The following EIF4G3 variants were observed in gnomAD, a reference collection of about 807,000 sequenced individuals.
EIF4G3 encodes eukaryotic translation initiation factor 4 gamma 3, also known as eIF-4-gamma 3.
EIF4G3 carries 34 observed loss-of-function variants against 186.4 expected under a neutral mutation model. That is an observed-to-expected ratio of 0.18 (90% CI 0.14 to 0.24). EIF4G3 has a LOEUF of 0.24. Among genes scored for constraint, EIF4G3 ranks in the 10% least tolerant of loss-of-function variants. EIF4G3 has a pLI of 1.00. For missense variants in EIF4G3, 1,536 were observed against 1,948.5 expected, an observed-to-expected ratio of 0.79 and a Z score of 3.99; for synonymous variants, 673 against 679.5, an observed-to-expected ratio of 0.99 and a Z score of 0.15.
intron 14 of EIF4G3, among the ~76,000 whole-genome samples, chr1:20,914,935 C>T (rs2093691481): frequency 6.6e-6 from 1 of 152,188 alleles, no homozygotes; most frequent in South Asian, 2.1e-4. Context: ...AGTTGGCTGA[C>T]TATGCTATTC....
rs140968653 is a variant in EIF4G3, at chr1:20,970,927, G to T, written c.592-1331C>A. 8.0e-3 allele frequency among the ~76,000 whole-genome samples: 1,214 copies of T among 152,294 alleles called. 13 individuals are homozygous for T. The highest frequency in any genetic ancestry group is 0.028 in the African/African-American group (1,165 of 41,560). ...TGCAGTGAGCTGAGATCACGCCACTGCACTCCAGCCTGGGGGAAAAGAGCG... is the reference window on the plus strand; with the variant it reads ...TGCAGTGAGCTGAGATCACGCCACTTCACTCCAGCCTGGGGGAAAAGAGCG... On this transcript the variant is annotated intron_variant, in intron 11 of 36. Coordinates refer to ENST00000602326, the MANE Select transcript of EIF4G3 (RefSeq NM_001391906.1).
intron 20 of EIF4G3, among the ~76,000 whole-genome samples, chr1:20,871,820 C>T (rs1182235341): frequency 1.6e-4 from 24 of 151,982 alleles, no homozygotes; most frequent in Admixed American, 1.4e-3. Context: ...CATTTCTTTT[C>T]TTTTCTCTGT....
intron 10 of EIF4G3, among the ~76,000 whole-genome samples, chr1:20,973,997 C>T (rs1014163310): frequency 1.3e-5 from 2 of 152,086 alleles, no homozygotes; most frequent in African/African-American, 2.4e-5. Flanking sequence ...AGAAAGAAGA[C>T]TCAAGGAAAA....
chr1:21,007,235 TA>T (rs2085351657), intron 4 of EIF4G3, among the ~76,000 whole-genome samples: 1 of 151,868 alleles, frequency 6.6e-6, no homozygotes. Context: ...TCGTCTCTAC[TA>T]AAAATACAAA....
chr1:21,006,395 C>T (rs1280364026), intron 4 of EIF4G3, among the ~76,000 whole-genome samples: 2 of 152,268 alleles, frequency 1.3e-5, no homozygotes, highest in South Asian at 2.1e-4. Context: ...TTTCCCTTTT[C>T]GAATAATTTC....
chr1:20,837,577 T>G (rs918695025), intron 30 of EIF4G3, among the ~76,000 whole-genome samples: 1 of 152,184 alleles, frequency 6.6e-6, no homozygotes. Flanking sequence ...TCCCCAACTG[T>G]TCAGAAGTTG....
intron 4 of EIF4G3, among the ~76,000 whole-genome samples, chr1:21,023,552 A>C (rs944563377): frequency 1.3e-5 from 2 of 151,710 alleles, no homozygotes; most frequent in Non-Finnish European, 2.9e-5. Context: ...AGTCTTGTTC[A>C]CTCAGTGCTC....
chr1:21,030,227 G>C (rs562854701), intron 4 of EIF4G3, among the ~76,000 whole-genome samples: 3 of 152,194 alleles, frequency 2.0e-5, no homozygotes, highest in African/African-American at 7.2e-5. Context: ...AGCTGATATG[G>C]TTTGGCTCTG....
chr1:20,814,133 A>G (rs1056507659), intron 34 of EIF4G3, among the ~76,000 whole-genome samples: 2 of 151,376 alleles, frequency 1.3e-5, no homozygotes, highest in African/African-American at 4.9e-5. Context: ...TACTCAGCTA[A>G]TTTTTTAGTA....
intron 2 of EIF4G3, among the ~76,000 whole-genome samples, chr1:21,143,073 AC>A (rs368661667): frequency 1.3e-5 from 2 of 152,106 alleles, no homozygotes; most frequent in African/African-American, 4.8e-5. Flanking sequence ...ACATGATGAA[AC>A]CCTGTCTCTA....
At chr1:20,815,132 A>G (rs1192259664) in intron 34 of EIF4G3, among the ~76,000 whole-genome samples, 1 of 79,006 alleles carries the variant, frequency 1.3e-5, no homozygotes, top group South Asian at 6.0e-4. Context: ...TCAGCTCACT[A>G]CAACCTACAC....
chr1:20,905,007 C>A, intron 14 of EIF4G3, 36 bp from the exon 15 acceptor site: 1 of 1,488,938 alleles, frequency 6.7e-7, no homozygotes. Flanking sequence ...CTTGCCACTG[C>A]AAAGTCATTC....
At chr1:20,849,621 ATTATT>A in intron 28 of EIF4G3, 91 bp from the exon 29 acceptor site, 1 of 522,952 alleles carries the variant, frequency 1.9e-6, no homozygotes. Context: ...GTGCTATTAC[ATTATT>A]TTAATAGCTA....
intron 7 of EIF4G3, among the ~76,000 whole-genome samples, chr1:20,991,044 A>C (rs1431239352): frequency 6.6e-6 from 1 of 152,228 alleles, no homozygotes; most frequent in Non-Finnish European, 1.5e-5. Flanking sequence ...AGAAAGGGAC[A>C]AGCTTTAAAG....
intron 4 of EIF4G3, among the ~76,000 whole-genome samples, chr1:21,039,224 G>C (rs986038769): frequency 6.6e-6 from 1 of 152,168 alleles, no homozygotes; most frequent in Non-Finnish European, 1.5e-5. Flanking sequence ...AATGGTGCTA[G>C]AAAAACTGGA....
At chr1:21,027,406 A>C (rs1053765700) in intron 4 of EIF4G3, among the ~76,000 whole-genome samples, 5 of 151,802 alleles carry the variant, frequency 3.3e-5, no homozygotes, top group African/African-American at 1.2e-4. Flanking sequence ...CAAGGCATGC[A>C]GATCACAAGG....
chr1:20,900,280 C>T (rs1474619927), intron 15 of EIF4G3, among the ~76,000 whole-genome samples: 2 of 152,122 alleles, frequency 1.3e-5, no homozygotes, highest in African/African-American at 4.8e-5. Context: ...ACAAGCACTA[C>T]ACTACCCTTG....
intron 7 of EIF4G3, among the ~76,000 whole-genome samples, chr1:20,986,259 G>C (rs2079443929): frequency 6.6e-6 from 1 of 152,106 alleles, no homozygotes; most frequent in Admixed American, 6.6e-5. Context: ...ATTCCTGCCA[G>C]CTCCAATTCC....
chr1:20,845,295 T>C (rs1014881556), intron 29 of EIF4G3, among the ~76,000 whole-genome samples: 58 of 152,226 alleles, frequency 3.8e-4, no homozygotes, highest in African/African-American at 1.4e-3. Context: ...CTGGGTTCTC[T>C]ATTCCGTTCC....
Sources: gnomAD v4.1 joint callset for allele counts (sites outside exome capture counted in the v4.1 genomes callset) on GRCh38, gnomAD v4.1.1 for gene constraint, MANE v1.5 for transcripts, NCBI Gene and HGNC (gene_info 2026-07-23, HGNC 2026-07-21) for gene names.